Variants in EHF observed in about 807,000 individuals in gnomAD.
EHF encodes ESE3 transcription factor.
A neutral mutation model predicts 45.1 loss-of-function variants in EHF; 14 were observed. The observed-to-expected ratio is 0.31, with a 90% CI of 0.21 to 0.49. The LOEUF is 0.49. Ranked by LOEUF, EHF falls within the 20% of genes least tolerant of loss-of-function variation. EHF has a pLI of 0.99. For missense variants in EHF, 282 were observed against 371.4 expected (o/e 0.76, Z 1.98); for synonymous variants, 136 against 131.8 (o/e 1.03, Z -0.22).
intron 2 of EHF, among the ~76,000 whole-genome samples, chr11:34,644,778 C>T (rs1040830079): frequency 3.3e-5 from 5 of 152,180 alleles, no homozygotes; most frequent in Non-Finnish European, 7.3e-5. Context: ...ACTTGTAATT[C>T]GATAGACCAG....
rs1467032415 is a variant in EHF at position 34,658,801 on chromosome 11, C to A, written c.804-31C>A. On this transcript the variant is annotated intron_variant, in intron 8 of 8. Coordinates refer to ENST00000257831, the MANE Select transcript of EHF (RefSeq NM_012153.6). ...ATTTACCTAGCAACCTTCATCGGAT[C>A]AGTCACCTTATGCAATCTCCTTTGT... 1.9e-6 allele frequency: 3 copies of A among 1,607,192 alleles called. No individual in the cohort carries two copies. The Admixed American group carries it at 5.1e-5, about 27-fold the overall frequency.
chr11:34,633,004 A>G (rs1853042647), intron 1 of EHF, among the ~76,000 whole-genome samples: 1 of 152,166 alleles, frequency 6.6e-6, no homozygotes, highest in Non-Finnish European at 1.5e-5. Context: ...TGAGGGCTTA[A>G]GTCCAGGGTA....
chr11:34,647,084 A>ACCCC (rs143509295), intron 3 of EHF, among the ~76,000 whole-genome samples: 16 of 137,036 alleles, frequency 1.2e-4, no homozygotes, highest in African/African-American at 4.3e-4. Flanking sequence ...ACAAAACAAA[A>ACCCC]CCCCCCCCAC....
intron 1 of EHF, among the ~76,000 whole-genome samples, chr11:34,637,750 A>T (rs1169717210): frequency 1.3e-5 from 2 of 152,162 alleles, no homozygotes; most frequent in African/African-American, 4.8e-5. Flanking sequence ...CTGCCCAAAG[A>T]GGTGAAGTTT....
At chr11:34,658,069 T>C (rs577308180) in intron 7 of EHF, among the ~76,000 whole-genome samples, 21 of 152,320 alleles carry the variant, frequency 1.4e-4, no homozygotes, top group African/African-American at 5.1e-4. Flanking sequence ...AGACCCTTAC[T>C]GATTTGCATT....
At position 34,646,647 on chromosome 11, in the gene EHF, G is replaced by A. The variant is rs369532456; in HGVS notation, c.306G>A (p.Gln102=). The change falls in exon 3 of 9, where the codon CAG becomes CAA. Residue 102 remains glutamine, a synonymous_variant. Coordinates refer to ENST00000257831, the MANE Select transcript of EHF (RefSeq NM_012153.6). ...CCCGGGCGGCAGGGACGGCGGGGCA[G>A]CTCCTCTACAGCAACTTGCAGCATC... The part of the protein sequence containing the change: ...EFTRAAGTAG[Q]LLYSNLQHLK... The A allele has an allele frequency of 3.7e-6, 6 of 1,613,010 alleles. No homozygotes were observed. Among genetic ancestry groups the A allele is most frequent in the Non-Finnish European group, 5.1e-6 (6 of 1,179,972 alleles).
At chr11:34,653,486 C>T (rs1404615724) in intron 6 of EHF, among the ~76,000 whole-genome samples, 2 of 152,130 alleles carry the variant, frequency 1.3e-5, no homozygotes, top group Non-Finnish European at 2.9e-5. Context: ...TTCAATAGTC[C>T]TTCTTAAGAT....
intron 2 of EHF, 38 bp from the exon 3 acceptor site, chr11:34,646,401 G>T (rs1854538186): frequency 6.2e-7 from 1 of 1,611,220 alleles, no homozygotes. Context: ...GCCAGGAACA[G>T]CCAGGGGTCA....
rs1411156564 is a variant in EHF, at chr11:34,658,998, C to A, written c.*67C>A. ...TAATCAGAAACAAAGAACTCCTGGA[C>A]GTAAATATTTCAAAGACTACTTTTC... On this transcript the variant is annotated 3_prime_UTR_variant, in exon 9 of 9. Coordinates refer to ENST00000257831, the MANE Select transcript of EHF (RefSeq NM_012153.6). 7 of 1,242,616 alleles carry A rather than the reference C, an allele frequency of 5.6e-6. No individual in the cohort carries two copies. In the Admixed American group the frequency reaches 7.1e-5, roughly 13 times the overall value. The allele number at this position is 1,242,616 out of a possible 1,614,324, so 77.0% of individuals were successfully genotyped here. A position where few individuals can be genotyped will look rare whatever the true frequency, so the allele number is the denominator to read the frequency against.
At chr11:34,655,226 T>A (rs1366768757) in intron 6 of EHF, among the ~76,000 whole-genome samples, 1 of 152,184 alleles carries the variant, frequency 6.6e-6, no homozygotes, top group Non-Finnish European at 1.5e-5. Context: ...GTTTCTTGTT[T>A]ACTGAGGTCT....
chr11:34,655,209 A>G (rs1855547719), intron 6 of EHF, among the ~76,000 whole-genome samples: 1 of 152,142 alleles, frequency 6.6e-6, no homozygotes, highest in Non-Finnish European at 1.5e-5. Flanking sequence ...CTTAACCAGG[A>G]TGAGAGGTTT....
At chr11:34,650,223 A>T (rs1415751699) in intron 4 of EHF, among the ~76,000 whole-genome samples, 1 of 152,188 alleles carries the variant, frequency 6.6e-6, no homozygotes, top group Admixed American at 6.5e-5. Context: ...CCATCCAGAC[A>T]TTCTTGTGTT....
At chr11:34,624,618 C>A (rs74819749) in intron 1 of EHF, among the ~76,000 whole-genome samples, 2,195 of 152,244 alleles carry the variant, frequency 0.014, 59 homozygotes, top group African/African-American at 0.05. Context: ...GAGAATGGCT[C>A]CTCACCACAG....
At chr11:34,656,120 C>G (rs1335897575) in intron 6 of EHF, among the ~76,000 whole-genome samples, 2 of 151,988 alleles carry the variant, frequency 1.3e-5, no homozygotes, top group African/African-American at 4.8e-5. Context: ...ACGGCTAGAT[C>G]ATTTAGTTTT....
intron 3 of EHF, among the ~76,000 whole-genome samples, chr11:34,648,359 A>G (rs1188043969): frequency 6.6e-6 from 1 of 151,604 alleles, no homozygotes; most frequent in Admixed American, 6.6e-5. Context: ...ATATATATAT[A>G]TATATAAGCA....
At chr11:34,624,031 C>A (rs1426117166) in intron 1 of EHF, among the ~76,000 whole-genome samples, 1 of 152,182 alleles carries the variant, frequency 6.6e-6, no homozygotes, top group East Asian at 1.9e-4. Flanking sequence ...GAGCAAGAAT[C>A]CCGTGGCAGA....
intron 1 of EHF, among the ~76,000 whole-genome samples, chr11:34,633,390 T>A (rs73446805): frequency 0.017 from 2,545 of 152,162 alleles, 68 homozygotes; most frequent in African/African-American, 0.058. Flanking sequence ...GATCATCTTG[T>A]GGTGGGAAAG....
intron 6 of EHF, among the ~76,000 whole-genome samples, chr11:34,652,844 T>C (rs1855305160): frequency 6.6e-6 from 1 of 152,242 alleles, no homozygotes; most frequent in Non-Finnish European, 1.5e-5. Context: ...TGGGAGCCAA[T>C]GTAAATGCTT....
At chr11:34,642,959 C>T (rs932044870) in intron 2 of EHF, among the ~76,000 whole-genome samples, 59 of 152,114 alleles carry the variant, frequency 3.9e-4, no homozygotes, top group African/African-American at 1.4e-3. Context: ...TCCAGATTGA[C>T]AGCCTGGCAG....
Sources: gnomAD v4.1 joint callset for allele counts (sites outside exome capture counted in the v4.1 genomes callset) on GRCh38, gnomAD v4.1.1 for gene constraint, MANE v1.5 for transcripts, NCBI Gene and HGNC (gene_info 2026-07-23, HGNC 2026-07-21) for gene names.